Variants in BPTF observed in about 807,000 individuals in gnomAD.
BPTF encodes the protein bromodomain PHD finger transcription factor.
BPTF carries 18 observed loss-of-function variants against 292.5 expected under a neutral mutation model. The ratio of observed to expected loss-of-function variants is 0.06; its 90% CI spans 0.04 to 0.09. The LOEUF (loss-of-function observed/expected upper bound fraction) is 0.09, where lower values mean the gene tolerates loss of function less well. BPTF is among the 10% of genes least tolerant of loss of function. The pLI is 1.00. For synonymous variants in BPTF, 1,225 were observed against 1,251.9 expected (o/e 0.98, Z 0.45); for missense variants, 2,726 against 3,498.7 (o/e 0.78, Z 5.57).
Position 67,982,344 on chromosome 17 carries a change from T to G in BPTF, c.*56T>G. On this transcript the variant is annotated 3_prime_UTR_variant, in exon 28 of 28. Coordinates refer to ENST00000306378, the MANE Select transcript of BPTF (RefSeq NM_182641.4). The stretch of plus-strand genomic sequence containing the variant: ...AGCAAGAATCTGGTTGTCTGAACTA[T>G]TTTAAATTAAGGAGCCAGATGTTTT... 6.6e-7 allele frequency: 1 copy of G among 1,517,124 alleles called. No individual in the cohort carries two copies. Among genetic ancestry groups the G allele is most frequent in the East Asian group, 2.3e-5 (1 of 44,340 alleles). The allele number at this position is 1,517,124 out of a possible 1,614,324, so 94.0% of individuals were successfully genotyped here. A position where few individuals can be genotyped will look rare whatever the true frequency, so the allele number is the denominator to read the frequency against.
chr17:67,979,937 A>G (rs2070129622), intron 27 of BPTF, among the ~76,000 whole-genome samples: 1 of 152,056 alleles, frequency 6.6e-6, no homozygotes, highest in Non-Finnish European at 1.5e-5. Context: ...GCTACTTGGG[A>G]GGCTGAGACA....
At chr17:67,891,258 A>AGT (rs1471079307) in intron 4 of BPTF, among the ~76,000 whole-genome samples, 1 of 152,200 alleles carries the variant, frequency 6.6e-6, no homozygotes, top group Non-Finnish European at 1.5e-5. Flanking sequence ...TGTGGAGTTT[A>AGT]GTGTGTCCTT....
intron 11 of BPTF, among the ~76,000 whole-genome samples, chr17:67,916,173 C>T (rs1448106675): frequency 6.6e-6 from 1 of 152,162 alleles, no homozygotes; most frequent in Non-Finnish European, 1.5e-5. Context: ...TCAGAGGATT[C>T]ATAGTGCGAT....
chr17:67,876,761 G>A (rs1311869700), intron 4 of BPTF, among the ~76,000 whole-genome samples: 3 of 152,042 alleles, frequency 2.0e-5, no homozygotes, highest in Non-Finnish European at 4.4e-5. Flanking sequence ...AGCTGAGATC[G>A]TATCACTGCA....
rs2055980798 is a variant in BPTF, at chr17:67,826,039, G to A, written c.315G>A (p.Gly105=). The change falls in exon 1 of 28, where the codon GGG becomes GGA. Residue 105 remains glycine, a synonymous_variant. Coordinates refer to ENST00000306378, the MANE Select transcript of BPTF (RefSeq NM_182641.4). ...RGGGGGRTGG[G]GGGGHLARTT... ...GCGGGGGCGGCAGGACGGGGGGCGG[G>A]GGCGGCGGCGGCCACCTGGCCCGGA... The A allele has an allele frequency of 8.4e-7, 1 of 1,196,478 alleles. No individual in the cohort carries two copies. Among genetic ancestry groups the A allele is most frequent in the Admixed American group, 4.1e-5 (1 of 24,176 alleles). 74.1% of individuals were successfully genotyped at this position (1,196,478 alleles called of 1,614,324 possible). A position where few individuals can be genotyped will look rare whatever the true frequency, so the allele number is the denominator to read the frequency against.
intron 4 of BPTF, among the ~76,000 whole-genome samples, chr17:67,878,285 T>G (rs973145088): frequency 1.3e-5 from 2 of 152,240 alleles, no homozygotes; most frequent in Non-Finnish European, 2.9e-5. Context: ...GTCATGATTC[T>G]TGTTACATTT....
At chr17:67,897,559 A>C (rs2061536429) in intron 7 of BPTF, among the ~76,000 whole-genome samples, 1 of 151,974 alleles carries the variant, frequency 6.6e-6, no homozygotes, top group South Asian at 2.1e-4. Context: ...CCCACCTTCC[A>C]TCCCCACTGC....
intron 3 of BPTF, among the ~76,000 whole-genome samples, chr17:67,869,045 C>T (rs1280962032): frequency 1.3e-5 from 2 of 152,090 alleles, no homozygotes; most frequent in Non-Finnish European, 2.9e-5. Flanking sequence ...GTAACACAAT[C>T]TCCGTCTTAC....
intron 21 of BPTF, among the ~76,000 whole-genome samples, chr17:67,946,623 T>G (rs1471120513): frequency 6.6e-6 from 1 of 152,232 alleles, no homozygotes; most frequent in East Asian, 1.9e-4. Flanking sequence ...CTTGAGGGTT[T>G]AACTAAGTTT....
chr17:67,953,907 A>G (rs1455622647), intron 23 of BPTF, among the ~76,000 whole-genome samples: 1 of 141,852 alleles, frequency 7.0e-6, no homozygotes, highest in African/African-American at 2.6e-5. Flanking sequence ...GTGAATTCAG[A>G]TTAGACCATT....
intron 27 of BPTF, chr17:67,981,613 C>G: frequency 1.9e-6 from 2 of 1,035,992 alleles, no homozygotes; most frequent in Non-Finnish European, 2.3e-6. Flanking sequence ...ACTCTAGCAG[C>G]CATGTTGAAC....
At chr17:67,906,237 T>C (rs1323641973) in intron 9 of BPTF, among the ~76,000 whole-genome samples, 2 of 152,030 alleles carry the variant, frequency 1.3e-5, no homozygotes, top group Non-Finnish European at 2.9e-5. Flanking sequence ...CACACCACCA[T>C]GCCCAGCTAA....
Position 67,893,649 on chromosome 17 carries a change from A to G in BPTF, c.2335A>G (p.Thr779Ala). 1 of 1,611,746 alleles carries G rather than the reference A, an allele frequency of 6.2e-7. No homozygotes were observed. The highest frequency in any genetic ancestry group is 2.2e-5 in the East Asian group (1 of 44,856). ...VHGSKVLTIS[T>A]LRLTITQLEN... is the part of the protein sequence containing the mutation. Reference sequence around the variant, plus strand: ...TGGGTCCAAAGTTCTTACCATATCTACTCTGAGACTGACTATCACCCAATT... The same window carrying G: ...TGGGTCCAAAGTTCTTACCATATCTGCTCTGAGACTGACTATCACCCAATT... Residue 779 changes from threonine to alanine, a missense_variant, in exon 6 of 28, where the codon ACT becomes GCT. Coordinates refer to ENST00000306378, the MANE Select transcript of BPTF (RefSeq NM_182641.4).
At chr17:67,883,348 G>C (rs561756840) in intron 4 of BPTF, among the ~76,000 whole-genome samples, 7 of 152,156 alleles carry the variant, frequency 4.6e-5, no homozygotes, top group African/African-American at 1.7e-4. Flanking sequence ...CCTTTGTGTA[G>C]TTATGCACAA....
chr17:67,839,637 C>G (rs575587772), intron 1 of BPTF, among the ~76,000 whole-genome samples: 41 of 152,200 alleles, frequency 2.7e-4, no homozygotes, highest in African/African-American at 9.9e-4. Flanking sequence ...TCAGTAGTTT[C>G]TTTATTGCTG....
intron 1 of BPTF, among the ~76,000 whole-genome samples, chr17:67,826,796 C>T (rs1315261326): frequency 1.3e-5 from 2 of 152,102 alleles, no homozygotes; most frequent in Non-Finnish European, 2.9e-5. Context: ...ATATCTGTTA[C>T]TTAAAAGGGA....
At chr17:67,916,472 C>G (rs1308154428) in intron 11 of BPTF, among the ~76,000 whole-genome samples, 1 of 152,114 alleles carries the variant, frequency 6.6e-6, no homozygotes, top group Non-Finnish European at 1.5e-5. Context: ...CGCCTGTAAT[C>G]CCAGCTACTC....
intron 1 of BPTF, among the ~76,000 whole-genome samples, chr17:67,828,132 A>T (rs1401940328): frequency 2.0e-5 from 3 of 151,982 alleles, no homozygotes; most frequent in African/African-American, 7.3e-5. Context: ...GGGTTTCACC[A>T]TGTTGGCCAG....
At chr17:67,853,195 A>G (rs1429585036) in intron 1 of BPTF, among the ~76,000 whole-genome samples, 3 of 152,258 alleles carry the variant, frequency 2.0e-5, no homozygotes, top group Admixed American at 2.0e-4. Context: ...ACATTTATAT[A>G]CTTACATATG....
Sources: gnomAD v4.1 joint callset for allele counts (sites outside exome capture counted in the v4.1 genomes callset) on GRCh38, gnomAD v4.1.1 for gene constraint, MANE v1.5 for transcripts, NCBI Gene and HGNC (gene_info 2026-07-23, HGNC 2026-07-21) for gene names.